Variants in NFIX observed in about 807,000 individuals in gnomAD.
The protein encoded by NFIX is nuclear factor I X.
A neutral mutation model predicts 53.3 loss-of-function variants in NFIX; 2 were observed. The observed-to-expected ratio is 0.04, with a 90% CI of 0.02 to 0.12. NFIX has a LOEUF of 0.12. NFIX is among the 10% of genes least tolerant of loss of function. The pLI is 1.00. For synonymous variants in NFIX, 244 were observed against 289.0 expected (o/e 0.84, Z 1.58); for missense variants, 310 against 674.5 (o/e 0.46, Z 5.99).
At chr19:13,065,029 G>A (rs1389984211) in intron 2 of NFIX, among the ~76,000 whole-genome samples, 1 of 105,056 alleles carries the variant, frequency 9.5e-6, no homozygotes, top group Non-Finnish European at 1.9e-5. Flanking sequence ...GGTAGGTTCT[G>A]GAGCACGGAT....
chr19:13,035,413 G>A (rs1250936697), intron 2 of NFIX, among the ~76,000 whole-genome samples: 4 of 152,102 alleles, frequency 2.6e-5, no homozygotes, highest in Non-Finnish European at 5.9e-5. Context: ...TGTGTGCTGG[G>A]GCTGCTGATC....
chr19:13,029,381 C>T (rs906587612), intron 2 of NFIX, among the ~76,000 whole-genome samples: 1 of 152,086 alleles, frequency 6.6e-6, no homozygotes, highest in Non-Finnish European at 1.5e-5. Context: ...CCCTAATTAT[C>T]ACTTAATTTT....
intron 8 of NFIX, among the ~76,000 whole-genome samples, chr19:13,084,657 T>TG (rs561393738): frequency 3.9e-4 from 59 of 152,116 alleles, no homozygotes; most frequent in African/African-American, 1.4e-3. Context: ...GTGAACATGA[T>TG]GGAGAAATCA....
At chr19:13,079,428 C>A (rs2017322962) in intron 7 of NFIX, among the ~76,000 whole-genome samples, 1 of 152,212 alleles carries the variant, frequency 6.6e-6, no homozygotes, top group Non-Finnish European at 1.5e-5. Context: ...AGGCAGGAGG[C>A]TGTGGGAGCT....
chr19:13,055,753 G>C (rs1220738374), intron 2 of NFIX, among the ~76,000 whole-genome samples: 1 of 152,176 alleles, frequency 6.6e-6, no homozygotes, highest in African/African-American at 2.4e-5. Flanking sequence ...CTGGCCCCAG[G>C]TTCCCCAGCC....
At chr19:13,074,780 T>C (rs1395553394) in intron 5 of NFIX, among the ~76,000 whole-genome samples, 4 of 151,430 alleles carry the variant, frequency 2.6e-5, no homozygotes. Context: ...TTTAAAAATA[T>C]GGGACTAGGC....
chr19:12,996,170 TGC>T lies in NFIX; in HGVS notation c.27+311_27+312del, dbSNP rs371482009. Among the ~76,000 whole-genome samples the T allele has an allele frequency of 1.4e-5, 2 of 139,434 alleles. No homozygotes were observed. Among genetic ancestry groups the T allele is most frequent in the Non-Finnish European group, 3.1e-5 (2 of 63,680 alleles). 91.5% of individuals were successfully genotyped at this position (139,434 alleles called of 152,430 possible). On this transcript the variant is annotated intron_variant, in intron 1 of 10. Transcript: ENST00000592199. The surrounding 1 kb of genome is among the most constrained non-coding windows in gnomAD (Gnocchi z 5.2). ...GTGTGTGTGTGTGTGTGTGTGTGTG[TGC>T]GCGCTCGACTGGGGTGCGATGGGCA...
Position 13,078,707 on chromosome 19 carries a change from G to C in NFIX, c.1050G>C (p.Pro350=), listed in dbSNP as rs763612479. Residue 350 remains proline, a synonymous_variant, in exon 7 of 11, where the codon CCG becomes CCC. Coordinates refer to ENST00000592199, the MANE Select transcript of NFIX (RefSeq NM_001365902.3). This position sits in a 1 kb window ranked among gnomAD's most constrained non-coding sequence, Gnocchi z 4.7. ...SSPRMAFTHH[P]LPVLAGVRPG... The stretch of plus-strand genomic sequence containing the variant: ...CGCGCATGGCTTTCACCCACCACCC[G>C]CTGCCTGTGCTTGCTGGAGTCAGAC... 11 of 1,599,808 alleles carry C rather than the reference G, an allele frequency of 6.9e-6. No homozygotes were observed. Among genetic ancestry groups the C allele is most frequent in the African/African-American group, 1.3e-5 (1 of 74,642 alleles).
intron 1 of NFIX, chr19:13,023,937 T>TCCACCC: frequency 4.0e-6 from 1 of 247,762 alleles, no homozygotes; most frequent in Non-Finnish European, 7.5e-6. Context: ...CTGCTCCTCC[T>TCCACCC]CCTCCCCCCT....
chr19:13,058,589 T>C (rs986957701), intron 2 of NFIX, among the ~76,000 whole-genome samples: 2 of 150,638 alleles, frequency 1.3e-5, no homozygotes, highest in African/African-American at 4.9e-5. Context: ...GCTAATTTTT[T>C]AGGAGAGCTA....
Position 13,045,965 on chromosome 19 carries a change from G to T in NFIX, c.559+20413G>T, listed in dbSNP as rs1376817480. On this transcript the variant is annotated intron_variant, in intron 2 of 10. Transcript: ENST00000592199. The surrounding 1 kb of genome is among the most constrained non-coding windows in gnomAD (Gnocchi z 4.4). ...AAATAGGAAGGGCTGACACTCTCCA[G>T]CTTCCATCTTGCAAGGACACAGGCC... Among the ~76,000 whole-genome samples the T allele has an allele frequency of 1.3e-5, 2 of 152,172 alleles. No individual in the cohort carries two copies. Among genetic ancestry groups the T allele is most frequent in the Non-Finnish European group, 2.9e-5 (2 of 68,032 alleles).
Position 13,021,575 on chromosome 19 carries a change from G to T in NFIX, c.28-3446G>T, listed in dbSNP as rs1208608447. On this transcript the variant is annotated intron_variant, in intron 1 of 10. Transcript: ENST00000592199. The surrounding 1 kb of genome is among the most constrained non-coding windows in gnomAD (Gnocchi z 4.2). ...CCAGCTGAGGACTGAGCCTCGCTGA[G>T]GGAGAGGGCGGCTGTAGGGATGGGG... 6.6e-6 allele frequency among the ~76,000 whole-genome samples: 1 copy of T among 152,222 alleles called. No homozygotes were observed. The highest frequency in any genetic ancestry group is 1.5e-5 in the Non-Finnish European group (1 of 68,050).
At position 13,066,352 on chromosome 19, in the gene NFIX, AC is replaced by A. The variant is rs569328176; in HGVS notation, c.560-6688del. 1.2e-4 allele frequency among the ~76,000 whole-genome samples: 18 copies of A among 144,218 alleles called. No homozygotes were observed. The highest frequency in any genetic ancestry group is 3.1e-4 in the African/African-American group (12 of 39,034). The allele number at this position is 144,218 out of a possible 152,430, so 94.6% of individuals were successfully genotyped here. A position where few individuals can be genotyped will look rare whatever the true frequency, so the allele number is the denominator to read the frequency against. On this transcript the variant is annotated intron_variant, in intron 2 of 10. Coordinates refer to ENST00000592199, the MANE Select transcript of NFIX (RefSeq NM_001365902.3). The surrounding 1 kb of genome is among the most constrained non-coding windows in gnomAD (Gnocchi z 4.2). ...TCTGCCAGGTTCCTGTGCCTTCCCT[AC>A]CCCCCCGCCCCCAACAATGGCTTTT...
intron 2 of NFIX, among the ~76,000 whole-genome samples, chr19:13,054,874 A>G (rs924245947): frequency 1.3e-5 from 2 of 152,200 alleles, no homozygotes; most frequent in Admixed American, 6.5e-5. Flanking sequence ...ACAGTCACAC[A>G]CAGAGACACA....
In NFIX at chr19:13,001,111, A is replaced by G. The variant is rs1034795518; in HGVS notation, c.27+5247A>G. ...CCTCCCAGCTGGGGTGGGGAAAAGG[A>G]GGGGGGTGTCTTAATTTTCTTGCCC... is the stretch of plus-strand genomic sequence containing the variant. On this transcript the variant is annotated intron_variant, in intron 1 of 10. Transcript: ENST00000592199. The surrounding 1 kb of genome is among the most constrained non-coding windows in gnomAD (Gnocchi z 6.5). 7.9e-5 allele frequency among the ~76,000 whole-genome samples: 12 copies of G among 151,838 alleles called. No individual in the cohort carries two copies. The highest frequency in any genetic ancestry group is 1.3e-4 in the Non-Finnish European group (9 of 67,948).
At chr19:13,003,533 A>G (rs2011839469) in intron 1 of NFIX, among the ~76,000 whole-genome samples, 1 of 152,154 alleles carries the variant, frequency 6.6e-6, no homozygotes, top group Non-Finnish European at 1.5e-5. Context: ...ACACAGGTAC[A>G]TGCACATGCA....
chr19:13,080,701 C>G (rs567571941), intron 7 of NFIX, among the ~76,000 whole-genome samples: 1 of 152,176 alleles, frequency 6.6e-6, no homozygotes, highest in African/African-American at 2.4e-5. Flanking sequence ...GAGATCCTGT[C>G]TCTATTTAAC....
intron 2 of NFIX, among the ~76,000 whole-genome samples, chr19:13,059,370 G>A (rs2015914539): frequency 6.6e-6 from 1 of 152,190 alleles, no homozygotes; most frequent in African/African-American, 2.4e-5. Flanking sequence ...ACAGGGCCTG[G>A]GGAGGCTGGG....
intron 1 of NFIX, chr19:13,024,680 C>T (rs1568267596): frequency 2.0e-6 from 3 of 1,535,844 alleles, no homozygotes; most frequent in Non-Finnish European, 2.6e-6. Flanking sequence ...ATACCAGCAG[C>T]GTGTGTGTGT....
Sources: allele counts gnomAD v4.1 joint callset (sites outside exome capture counted in the v4.1 genomes callset), GRCh38; gene constraint gnomAD v4.1.1; non-coding constraint Gnocchi (gnomAD v3.1); transcripts MANE v1.5; gene names NCBI Gene and HGNC (gene_info 2026-07-23, HGNC 2026-07-21).